TET1: variants seen among roughly 807,000 people sequenced by gnomAD.
The protein encoded by TET1 is tet methylcytosine dioxygenase 1.
Under a neutral mutation model 148.7 loss-of-function variants are expected in TET1, and 13 were observed. The observed-to-expected ratio is 0.09, with a 90% confidence interval of 0.06 to 0.14. The LOEUF (loss-of-function observed/expected upper bound fraction) is 0.14, where lower values mean the gene tolerates loss of function less well. Among genes scored for constraint, TET1 ranks in the 10% least tolerant of loss-of-function variants. TET1 has a pLI of 1.00. For synonymous variants in TET1, 907 were observed against 937.2 expected (o/e 0.97, Z 0.59); for missense variants, 2,182 against 2,553.8 (o/e 0.85, Z 3.14).
intron 7 of TET1, among the ~76,000 whole-genome samples, chr10:68,669,706 G>T (rs537631059): frequency 6.6e-6 from 1 of 151,412 alleles, no homozygotes; most frequent in South Asian, 2.1e-4. Flanking sequence ...CTGGAGTGCA[G>T]TGGTGCAATC....
chr10:68,670,933 T>G (rs1044437212), intron 7 of TET1, among the ~76,000 whole-genome samples: 1 of 152,164 alleles, frequency 6.6e-6, no homozygotes, highest in Non-Finnish European at 1.5e-5. Flanking sequence ...AATCATTATA[T>G]AAGTACAATA....
intron 6 of TET1, among the ~76,000 whole-genome samples, chr10:68,666,244 T>C (rs1350075100): frequency 8.5e-5 from 5 of 58,852 alleles, no homozygotes; most frequent in Admixed American, 8.4e-4. Context: ...ACAATTAATT[T>C]TTCTATTTTG....
intron 3 of TET1, among the ~76,000 whole-genome samples, chr10:68,616,367 A>G (rs1274395505): frequency 6.6e-6 from 1 of 150,386 alleles, no homozygotes; most frequent in Admixed American, 6.6e-5. Flanking sequence ...ATTACATTCA[A>G]GTTATGCATT....
intron 3 of TET1, among the ~76,000 whole-genome samples, chr10:68,602,484 A>T (rs1274727213): frequency 6.6e-6 from 1 of 152,206 alleles, no homozygotes; most frequent in Middle Eastern, 3.2e-3. Flanking sequence ...GGGATAGATT[A>T]TGTGGAGAAA....
At chr10:68,664,038 C>T (rs181331922) in intron 6 of TET1, among the ~76,000 whole-genome samples, 23 of 152,050 alleles carry the variant, frequency 1.5e-4, no homozygotes, top group African/African-American at 5.3e-4. Flanking sequence ...TTGCTCCCAT[C>T]GCGCAGGCTG....
chr10:68,652,642 G>A, intron 6 of TET1, 48 bp downstream of exon 6: 1 of 1,291,792 alleles, frequency 7.7e-7, no homozygotes, highest in Non-Finnish European at 1.1e-6. Context: ...TTATTCCAGA[G>A]CTGATATTTA....
rs773683265 is a variant in TET1, at chr10:68,645,935, C to T, written c.3206C>T (p.Thr1069Ile). ...DSDDLSCQDATHTQIEEDVAT... is the reference protein window; with the variant it reads ...DSDDLSCQDAIHTQIEEDVAT... The stretch of plus-strand genomic sequence containing the variant: ...GATGATCTATCATGTCAGGATGCAA[C>T]CCATACCCAAATTGAGGAAGATGTT... The change falls in exon 4 of 12, where the codon ACC becomes ATC. Residue 1069 changes from threonine (T) to isoleucine (I), a missense_variant. Transcript: ENST00000373644. The T allele has an allele frequency of 4.3e-6, 7 of 1,613,746 alleles. No homozygotes were observed. The highest frequency in any genetic ancestry group is 1.7e-5 in the Admixed American group (1 of 59,922).
chr10:68,606,141 T>C (rs1007039299), intron 3 of TET1, among the ~76,000 whole-genome samples: 6 of 151,348 alleles, frequency 4.0e-5, no homozygotes, highest in African/African-American at 1.2e-4. Context: ...CCAGGATGAG[T>C]GGATCACTTG....
intron 3 of TET1, among the ~76,000 whole-genome samples, chr10:68,615,157 T>C (rs1195352157): frequency 6.6e-6 from 1 of 151,866 alleles, no homozygotes; most frequent in African/African-American, 2.4e-5. Context: ...GGTCTCGAAC[T>C]CCTGACCTCG....
At position 68,639,088 on chromosome 10, in the gene TET1, G is replaced by C. The variant is rs573005679; in HGVS notation, c.1969-5610G>C. Among the ~76,000 whole-genome samples the C allele has an allele frequency of 4.0e-5, 6 of 151,872 alleles. No individual in the cohort carries two copies. The South Asian group carries it at 1.0e-3, about 26-fold the overall frequency. ...AATATAACTAATAAAAAAGTTCAAG[G>C]GTTCTTAATTAAGCTCATTAATTAA... On this transcript the variant is annotated intron_variant, in intron 3 of 11. Transcript: ENST00000373644.
chr10:68,690,911 C>T lies in TET1; in HGVS notation c.5508C>T (p.Ser1836=), dbSNP rs144134861. The change falls in exon 12 of 12, where the codon TCC becomes TCT. Residue 1836 remains serine (S), a synonymous_variant. Coordinates refer to ENST00000373644, the MANE Select transcript of TET1 (RefSeq NM_030625.3). ...CTAAAACTTATTCGCTGATGCCATC[C>T]GCTCCTCACCCAGTGAAAGAGGCAT... ...DNTKTYSLMP[S]APHPVKEASP... is the part of the protein sequence containing the mutation. 8 of 1,614,090 alleles carry T rather than the reference C, an allele frequency of 5.0e-6. No homozygotes were observed. The South Asian group carries it at 5.5e-5, about 11-fold the overall frequency.
intron 2 of TET1, among the ~76,000 whole-genome samples, chr10:68,596,574 C>T (rs1015394448): frequency 1.3e-5 from 2 of 152,108 alleles, no homozygotes; most frequent in East Asian, 1.9e-4. Context: ...CAGATGTGAG[C>T]CACTGCACCT....
In TET1 at chr10:68,572,924, G is replaced by A. The variant is rs761373070; in HGVS notation, c.586G>A (p.Val196Ile). The A allele has an allele frequency of 1.6e-5, 26 of 1,614,036 alleles. No individual in the cohort carries two copies. In the Admixed American group the frequency reaches 4.0e-4, roughly 25 times the overall value. Residue 196 changes from valine to isoleucine, a missense_variant, in exon 2 of 12, where the codon GTT (valine) becomes ATT (isoleucine). Val to Ile is a conservative substitution (Grantham distance 29, BLOSUM62 3). This residue lies in a region of TET1 where 665 missense variants were observed against 672.4 expected (regional missense o/e 0.99). Coordinates refer to ENST00000373644, the MANE Select transcript of TET1 (RefSeq NM_030625.3). The stretch of plus-strand genomic sequence containing the variant: ...GACAACTCAGTTTTGGTCCCAAAGA[G>A]TTGAGGATTCCAAGATCAATATCCC... ...QETTQFWSQR[V>I]EDSKINIPTH...
chr10:68,645,568 C>G lies in TET1; in HGVS notation c.2839C>G (p.Gln947Glu), dbSNP rs1053985159. Residue 947 changes from glutamine to glutamate, a missense_variant, in exon 4 of 12, where the codon CAG (glutamine) becomes GAG (glutamate). Transcript: ENST00000373644. Reference sequence around the variant, plus strand: ...AAAAGACCTCCAAGACCCAAACTTACAGGGAGAGCCACCAAAACTTAATCA... The same window carrying G: ...AAAAGACCTCCAAGACCCAAACTTAGAGGGAGAGCCACCAAAACTTAATCA... ...VRKDLQDPNL[Q>E]GEPPKLNHCP... 3 of 1,614,072 alleles carry G rather than the reference C, an allele frequency of 1.9e-6. No individual in the cohort carries two copies. In the African/African-American group the frequency reaches 4.0e-5, roughly 22 times the overall value.
At position 68,629,279 on chromosome 10, in the gene TET1, C is replaced by T. The variant is rs541177790; in HGVS notation, c.1969-15419C>T. Among the ~76,000 whole-genome samples the T allele has an allele frequency of 4.6e-5, 7 of 151,954 alleles. No individual in the cohort carries two copies. The East Asian group carries it at 1.2e-3, about 25-fold the overall frequency. On this transcript the variant is annotated intron_variant, in intron 3 of 11. Coordinates refer to ENST00000373644, the MANE Select transcript of TET1 (RefSeq NM_030625.3). ...ACTTGGGAGGCTGAGAGAGGAGAAT[C>T]GCTTGAACTTGAGAGACAGAGGTTG... is the stretch of plus-strand genomic sequence containing the variant.
intron 10 of TET1, among the ~76,000 whole-genome samples, chr10:68,685,101 C>T (rs67410932): frequency 6.6e-6 from 1 of 152,026 alleles, no homozygotes; most frequent in East Asian, 1.9e-4. Flanking sequence ...CAATTAAAAA[C>T]AAAATTAGCT....
chr10:68,595,906 C>T lies in TET1; in HGVS notation c.1915-5075C>T, dbSNP rs183026373. On this transcript the variant is annotated intron_variant, in intron 2 of 11. Transcript: ENST00000373644. ...TTGGGATTATAGGTGTGAGCCACTG[C>T]GCCCAGCCAAAACATATATATATAT... Among the ~76,000 whole-genome samples, 4 of 114,906 alleles carry T rather than the reference C, an allele frequency of 3.5e-5. No individual in the cohort carries two copies. The East Asian group carries it at 8.2e-4, about 23-fold the overall frequency. The allele number at this position is 114,906 out of a possible 152,430, so 75.4% of individuals were successfully genotyped here. A position where few individuals can be genotyped will look rare whatever the true frequency, so the allele number is the denominator to read the frequency against.
chr10:68,566,040 A>C (rs1047162511), intron 1 of TET1, among the ~76,000 whole-genome samples: 23 of 152,364 alleles, frequency 1.5e-4, no homozygotes, highest in African/African-American at 4.6e-4. Flanking sequence ...GATAAAGATT[A>C]TCTTAATTAC....
intron 8 of TET1, among the ~76,000 whole-genome samples, 161 bp from the exon 9 acceptor site, chr10:68,681,238 G>T (rs966962201): frequency 6.6e-6 from 1 of 152,166 alleles, no homozygotes; most frequent in Non-Finnish European, 1.5e-5. Context: ...TAATAGTTTA[G>T]ATGGAGAAAA....
Sources: allele counts gnomAD v4.1 joint callset (sites outside exome capture counted in the v4.1 genomes callset), GRCh38; gene constraint gnomAD v4.1.1; regional missense constraint gnomAD v4.1.1; transcripts MANE v1.5; gene names NCBI Gene and HGNC (gene_info 2026-07-23, HGNC 2026-07-21).